PPP1R14C: variants seen among roughly 807,000 people sequenced by gnomAD.
PPP1R14C encodes protein phosphatase 1 regulatory inhibitor subunit 14C, also known as protein phosphatase 1 regulatory subunit 14C.
A neutral mutation model predicts 20.4 loss-of-function variants in PPP1R14C; 16 were observed. The ratio of observed to expected loss-of-function variants is 0.78; its 90% CI spans 0.53 to 1.19. PPP1R14C has a LOEUF of 1.19. Among genes scored for constraint, PPP1R14C ranks in the 50% most tolerant of loss-of-function variants. The pLI, the probability that PPP1R14C is intolerant of heterozygous loss-of-function variation, is 0.00. For synonymous variants in PPP1R14C, 91 were observed against 91.0 expected (o/e 1.00, Z 0.00); for missense variants, 211 against 220.1 (o/e 0.96, Z 0.26).
chr6:150,181,111 C>T (rs1777617114), intron 1 of PPP1R14C, among the ~76,000 whole-genome samples: 1 of 152,116 alleles, frequency 6.6e-6, no homozygotes, highest in Non-Finnish European at 1.5e-5. Context: ...TGGTATTTAT[C>T]CCCGCTTTAG....
At chr6:150,244,066 T>G (rs1436627855) in intron 3 of PPP1R14C, among the ~76,000 whole-genome samples, 1 of 152,194 alleles carries the variant, frequency 6.6e-6, no homozygotes, top group East Asian at 1.9e-4. Flanking sequence ...AGGTGTTGGA[T>G]GTTTCCATGA....
chr6:150,210,345 C>G (rs1778007721), intron 1 of PPP1R14C, among the ~76,000 whole-genome samples: 1 of 152,196 alleles, frequency 6.6e-6, no homozygotes, highest in African/African-American at 2.4e-5. Flanking sequence ...TTTTCTTTCC[C>G]CCGATCCCTC....
intron 3 of PPP1R14C, among the ~76,000 whole-genome samples, chr6:150,228,737 A>G (rs1778258559): frequency 1.3e-5 from 2 of 152,182 alleles, no homozygotes; most frequent in Admixed American, 6.5e-5. Flanking sequence ...AAGGGCTTAG[A>G]GCTCACCTCT....
rs772135802 is a variant in PPP1R14C, at chr6:150,143,301, A to G, written c.109A>G (p.Ser37Gly). 1.9e-6 allele frequency: 3 copies of G among 1,568,270 alleles called. No individual in the cohort carries two copies. Among genetic ancestry groups the G allele is most frequent in the Non-Finnish European group, 2.6e-6 (3 of 1,162,010 alleles). The part of the protein sequence containing the change: ...RGGAGGSPGS[S>G]SGSGSSREDS... Reference sequence around the variant, plus strand: ...TGGCGCCGGTGGCAGCCCCGGCTCCAGCAGCGGCTCAGGCTCCTCCCGGGA... The same window carrying G: ...TGGCGCCGGTGGCAGCCCCGGCTCCGGCAGCGGCTCAGGCTCCTCCCGGGA... The change falls in exon 1 of 4, where the codon AGC becomes GGC. Residue 37 changes from serine to glycine, a missense_variant. Ser to Gly is a moderately conservative substitution (Grantham distance 56). Transcript: ENST00000361131. This position sits in a 1 kb window ranked among gnomAD's most constrained non-coding sequence, Gnocchi z 5.6.
At chr6:150,210,113 C>T (rs948611082) in intron 1 of PPP1R14C, among the ~76,000 whole-genome samples, 3 of 152,158 alleles carry the variant, frequency 2.0e-5, no homozygotes, top group African/African-American at 7.2e-5. Context: ...CTGTTCTGAG[C>T]TTCATCCGTG....
intron 1 of PPP1R14C, among the ~76,000 whole-genome samples, chr6:150,187,174 T>C (rs145905193): frequency 2.0e-5 from 3 of 151,766 alleles, no homozygotes; most frequent in African/African-American, 4.8e-5. Flanking sequence ...CAAGATTTCA[T>C]TCACCATGTT....
chr6:150,143,187 G>T lies in PPP1R14C; in HGVS notation c.-6G>T, dbSNP rs773395584. On this transcript the variant is annotated 5_prime_UTR_variant, in exon 1 of 4. Transcript: ENST00000361131. This position sits in a 1 kb window ranked among gnomAD's most constrained non-coding sequence, Gnocchi z 5.6. ...GGGCCGCACTGAGGCTCGGGCGCGC[G>T]GGGACATGTCGGTGGCGACGGGCAG... is the stretch of plus-strand genomic sequence containing the variant. 47 of 1,326,380 alleles carry T rather than the reference G, an allele frequency of 3.5e-5. No homozygotes were observed. Among genetic ancestry groups the T allele is most frequent in the Non-Finnish European group, 4.4e-5 (46 of 1,047,710 alleles). 82.2% of individuals were successfully genotyped at this position (1,326,380 alleles called of 1,614,324 possible).
chr6:150,197,991 G>A (rs531100425), intron 1 of PPP1R14C, among the ~76,000 whole-genome samples: 3 of 54,572 alleles, frequency 5.5e-5, no homozygotes, highest in African/African-American at 2.7e-4. Context: ...CTGGATGCCC[G>A]GCTTTGTGTG....
At chr6:150,152,191 A>G (rs955515542) in intron 1 of PPP1R14C, among the ~76,000 whole-genome samples, 2 of 152,068 alleles carry the variant, frequency 1.3e-5, no homozygotes, top group Admixed American at 1.3e-4. Flanking sequence ...TGCTAATTTA[A>G]TCCTCGCAGT....
At chr6:150,248,719 A>T in intron 3 of PPP1R14C, 27 bp from the exon 4 acceptor site, 1 of 1,484,162 alleles carries the variant, frequency 6.7e-7, no homozygotes, top group Non-Finnish European at 9.4e-7. Flanking sequence ...AGTGACCCTC[A>T]TATTAACTTC....
At chr6:150,158,286 G>T (rs1039200737) in intron 1 of PPP1R14C, among the ~76,000 whole-genome samples, 1 of 152,062 alleles carries the variant, frequency 6.6e-6, no homozygotes, top group African/African-American at 2.4e-5. Context: ...TGACCCAATG[G>T]GGGGCAGAGG....
chr6:150,246,869 A>C (rs1404009305), intron 3 of PPP1R14C, among the ~76,000 whole-genome samples: 1 of 152,208 alleles, frequency 6.6e-6, no homozygotes, highest in Non-Finnish European at 1.5e-5. Flanking sequence ...AGCATCTGAC[A>C]TAATGCTAGG....
chr6:150,239,470 C>T (rs1015155673), intron 3 of PPP1R14C, among the ~76,000 whole-genome samples: 6 of 152,190 alleles, frequency 3.9e-5, no homozygotes, highest in Admixed American at 2.0e-4. Context: ...TGACACATTT[C>T]TAACCCACAG....
chr6:150,247,124 G>A (rs1417924694), intron 3 of PPP1R14C, among the ~76,000 whole-genome samples: 1 of 152,104 alleles, frequency 6.6e-6, no homozygotes, highest in Non-Finnish European at 1.5e-5. Context: ...GTGCTTTATA[G>A]CCAGAGAGTA....
In PPP1R14C at chr6:150,157,168, G is replaced by A. The variant is rs144432195; in HGVS notation, c.306+13670G>A. ...ACCTTACTATAAACTCTGAAGGAAG[G>A]CAAAGAATGAGATACAGATAATGTA... On this transcript the variant is annotated intron_variant, in intron 1 of 3. Coordinates refer to ENST00000361131, the MANE Select transcript of PPP1R14C (RefSeq NM_030949.3). 4.9e-3 allele frequency among the ~76,000 whole-genome samples: 746 copies of A among 152,292 alleles called. 5 individuals carry two copies. The highest frequency in any genetic ancestry group is 0.017 in the African/African-American group (713 of 41,560).
chr6:150,194,818 C>T, intron 1 of PPP1R14C: 1 of 985,396 alleles, frequency 1.0e-6, no homozygotes, highest in Non-Finnish European at 1.2e-6. Context: ...TTTAGCATCT[C>T]AGTGAGTACC....
At chr6:150,229,216 A>G (rs1256232598) in intron 3 of PPP1R14C, among the ~76,000 whole-genome samples, 2 of 152,226 alleles carry the variant, frequency 1.3e-5, no homozygotes, top group Non-Finnish European at 2.9e-5. Context: ...GGTTTCTTTT[A>G]TTTAGGCAAA....
intron 1 of PPP1R14C, among the ~76,000 whole-genome samples, chr6:150,173,526 C>T (rs748712013): frequency 6.6e-6 from 1 of 152,152 alleles, no homozygotes; most frequent in Non-Finnish European, 1.5e-5. Context: ...GAAGTCTGAG[C>T]TCACTACAGC....
At chr6:150,231,150 GGGGGAGAGAAAGGACCTTGTGTTTTCAT>G (rs773361429) in intron 3 of PPP1R14C, among the ~76,000 whole-genome samples, 40 of 152,188 alleles carry the variant, frequency 2.6e-4, no homozygotes, top group Non-Finnish European at 4.9e-4. Context: ...AGAAACTCCA[GGGGGAGAGAAAGGACCTTGTGTTTTCAT>G]GGCCGCTGCC....
Sources: gnomAD v4.1 joint callset for allele counts (sites outside exome capture counted in the v4.1 genomes callset) on GRCh38, gnomAD v4.1.1 for gene constraint, Gnocchi (gnomAD v3.1) non-coding constraint, MANE v1.5 for transcripts, NCBI Gene and HGNC (gene_info 2026-07-23, HGNC 2026-07-21) for gene names.